The following SGCZ variants were observed in gnomAD, a reference collection of about 807,000 sequenced individuals.
The protein encoded by SGCZ is sarcoglycan zeta, also known as zeta-sarcoglycan.
SGCZ carries 40 observed loss-of-function variants against 41.3 expected under a neutral mutation model. The observed-to-expected ratio is 0.97, with a 90% CI of 0.75 to 1.26. The LOEUF (loss-of-function observed/expected upper bound fraction) is 1.26. Ranked by LOEUF, SGCZ falls within the 50% of genes most tolerant of loss-of-function variation. SGCZ has a pLI of 0.00. For synonymous variants in SGCZ, 206 were observed against 137.5 expected (o/e 1.50, Z -3.49); for missense variants, 552 against 369.8 (o/e 1.49, Z -4.04).
intron 2 of SGCZ, among the ~76,000 whole-genome samples, chr8:14,433,256 G>T (rs867675848): frequency 2.6e-5 from 4 of 152,252 alleles, no homozygotes; most frequent in East Asian, 3.9e-4. Flanking sequence ...TCTGAATAAA[G>T]ATAACATTTA....
At chr8:14,382,621 G>T (rs1804410130) in intron 2 of SGCZ, among the ~76,000 whole-genome samples, 1 of 152,162 alleles carries the variant, frequency 6.6e-6, no homozygotes, top group Admixed American at 6.5e-5. Context: ...GAGAATATTT[G>T]AGATTGAGGG....
chr8:14,139,891 A>T (rs190841337), intron 5 of SGCZ, among the ~76,000 whole-genome samples: 1 of 152,286 alleles, frequency 6.6e-6, no homozygotes, highest in Admixed American at 6.5e-5. Context: ...AAAAAACAGA[A>T]TTTTAGATCA....
intron 5 of SGCZ, chr8:14,162,550 TTCTC>T (rs1318835087): frequency 6.6e-6 from 1 of 150,438 alleles, no homozygotes; most frequent in South Asian, 2.1e-4. Flanking sequence ...AGAACTCTCT[TTCTC>T]TCTCTTTGTC....
chr8:14,416,184 T>A (rs1461882), intron 2 of SGCZ, among the ~76,000 whole-genome samples: 1 of 151,728 alleles, frequency 6.6e-6, no homozygotes, highest in East Asian at 2.0e-4. Context: ...ACACACACTT[T>A]TATATCAGAA....
At chr8:14,589,311 A>G (rs1040180112) in intron 1 of SGCZ, among the ~76,000 whole-genome samples, 15 of 149,916 alleles carry the variant, frequency 1.0e-4, no homozygotes, top group Middle Eastern at 3.4e-3. Flanking sequence ...GCACCACTGC[A>G]CTCCAGCCTG....
At chr8:14,141,556 C>T (rs1441536376) in intron 5 of SGCZ, among the ~76,000 whole-genome samples, 1 of 152,206 alleles carries the variant, frequency 6.6e-6, no homozygotes, top group Non-Finnish European at 1.5e-5. Flanking sequence ...CCAACAGACA[C>T]ATGCAAAAAG....
intron 1 of SGCZ, among the ~76,000 whole-genome samples, chr8:15,030,917 G>C (rs1276123789): frequency 2.6e-5 from 4 of 152,138 alleles, no homozygotes; most frequent in Non-Finnish European, 5.9e-5. Flanking sequence ...AAAGGAAATA[G>C]AACTTACTGA....
At chr8:14,782,643 G>C (rs995421619) in intron 1 of SGCZ, among the ~76,000 whole-genome samples, 3 of 147,916 alleles carry the variant, frequency 2.0e-5, no homozygotes, top group South Asian at 2.2e-4. Flanking sequence ...TCAGATTGAG[G>C]GAAGATAAGG....
chr8:15,087,480 G>GT (rs1805992934), intron 1 of SGCZ, among the ~76,000 whole-genome samples: 1 of 152,010 alleles, frequency 6.6e-6, no homozygotes. Context: ...GTTTTGGCAC[G>GT]TTTTTGAAAA....
chr8:14,268,222 T>C (rs1799941732), intron 3 of SGCZ, among the ~76,000 whole-genome samples: 1 of 149,072 alleles, frequency 6.7e-6, no homozygotes, highest in South Asian at 2.1e-4. Context: ...TATATATAAA[T>C]ATATATATGT....
chr8:14,166,679 A>G (rs1333157622), intron 4 of SGCZ, among the ~76,000 whole-genome samples: 1 of 152,174 alleles, frequency 6.6e-6, no homozygotes. Context: ...ACACACACCC[A>G]CACACACATA....
chr8:15,082,090 A>G (rs9325742), intron 1 of SGCZ, among the ~76,000 whole-genome samples: 151,041 of 152,120 alleles, frequency 0.99, 74,998 homozygotes, highest in Middle Eastern at 1. Flanking sequence ...TTAGCTGGGC[A>G]TGATCGCGGC....
chr8:14,990,462 G>T (rs117531200), intron 1 of SGCZ, among the ~76,000 whole-genome samples: 1 of 152,012 alleles, frequency 6.6e-6, no homozygotes. Context: ...TCCACCTCCT[G>T]TCCCATCAAC....
intron 1 of SGCZ, among the ~76,000 whole-genome samples, chr8:15,168,117 C>A (rs1184603242): frequency 6.6e-6 from 1 of 152,138 alleles, no homozygotes; most frequent in Non-Finnish European, 1.5e-5. Flanking sequence ...TTCACCTTAG[C>A]ATTTGGCTTA....
At chr8:15,009,941 A>T (rs2130924728) in intron 1 of SGCZ, among the ~76,000 whole-genome samples, 1 of 152,330 alleles carries the variant, frequency 6.6e-6, no homozygotes, top group Admixed American at 6.5e-5. Flanking sequence ...ATCTTTCTGT[A>T]ACTCAAGCTT....
intron 1 of SGCZ, among the ~76,000 whole-genome samples, chr8:14,775,316 T>C (rs2256560): frequency 0.17 from 26,311 of 152,088 alleles, 2,410 homozygotes; most frequent in Middle Eastern, 0.21. Context: ...AATAGTAATA[T>C]TGAGCAACTG....
At chr8:14,202,497 A>G (rs1465985687) in intron 4 of SGCZ, among the ~76,000 whole-genome samples, 2 of 149,134 alleles carry the variant, frequency 1.3e-5, no homozygotes, top group East Asian at 1.9e-4. Context: ...TTCACAAGGG[A>G]AAAAAAAATG....
intron 4 of SGCZ, among the ~76,000 whole-genome samples, chr8:14,217,027 C>T (rs1042546587): frequency 3.9e-5 from 6 of 152,128 alleles, no homozygotes; most frequent in African/African-American, 1.4e-4. Context: ...GTGGCTCACG[C>T]CTGTAATCCC....
chr8:14,957,968 A>T (rs1800844651), intron 1 of SGCZ, among the ~76,000 whole-genome samples: 2 of 152,002 alleles, frequency 1.3e-5, no homozygotes, highest in African/African-American at 4.8e-5. Context: ...AATTTACCAA[A>T]CTAATTTAAA....
Sources: allele counts gnomAD v4.1 joint callset (sites outside exome capture counted in the v4.1 genomes callset), GRCh38; gene constraint gnomAD v4.1.1; transcripts MANE v1.5; gene names NCBI Gene and HGNC (gene_info 2026-07-23, HGNC 2026-07-21).